SETD2: variants seen among roughly 807,000 people sequenced by gnomAD.
SETD2 encodes histone-lysine N-methyltransferase SETD2.
Under a neutral mutation model 242.1 loss-of-function variants are expected in SETD2, and 31 were observed. That is an observed-to-expected ratio of 0.13 (90% CI 0.10 to 0.17). The LOEUF is 0.17. Among genes scored for constraint, SETD2 ranks in the 10% least tolerant of loss-of-function variants. The probability of loss-of-function intolerance (pLI) is 1.00; values close to 1 mark genes in which losing one functional copy is unlikely to be tolerated. For synonymous variants in SETD2, 1,006 were observed against 1,066.5 expected (o/e 0.94, Z 1.11); for missense variants, 2,481 against 3,046.3 (o/e 0.81, Z 4.37).
At chr3:47,141,672 TA>T (rs1428162620) in intron 1 of SETD2, among the ~76,000 whole-genome samples, 2 of 152,052 alleles carry the variant, frequency 1.3e-5, no homozygotes, top group Non-Finnish European at 2.9e-5. Context: ...AAAGAAAAAA[TA>T]AAAAAATGTG....
intron 1 of SETD2, among the ~76,000 whole-genome samples, chr3:47,139,323 C>T (rs763216225): frequency 6.6e-6 from 1 of 152,100 alleles, no homozygotes. Context: ...ACTATTATGC[C>T]TTTTCCTATC....
intron 15 of SETD2, among the ~76,000 whole-genome samples, chr3:47,047,178 T>A (rs62246402): frequency 0.19 from 29,293 of 152,148 alleles, 2,918 homozygotes; most frequent in Middle Eastern, 0.24. Flanking sequence ...GAAAGCAGAA[T>A]CAATGCATCT....
intron 18 of SETD2, among the ~76,000 whole-genome samples, chr3:47,027,402 G>A (rs1303256913): frequency 6.7e-6 from 1 of 150,334 alleles, no homozygotes; most frequent in African/African-American, 2.4e-5. Flanking sequence ...CACACACCAG[G>A]GACTGTTGTG....
chr3:47,161,330 GA>G (rs1263579047), intron 1 of SETD2, among the ~76,000 whole-genome samples: 2 of 152,028 alleles, frequency 1.3e-5, no homozygotes, highest in Non-Finnish European at 2.9e-5. Flanking sequence ...CAAGTTCAGA[GA>G]GATGAAGTCA....
chr3:47,147,469 T>C (rs2043884068), intron 1 of SETD2, among the ~76,000 whole-genome samples: 1 of 151,176 alleles, frequency 6.6e-6, no homozygotes, highest in Non-Finnish European at 1.5e-5. Flanking sequence ...ACTACAGGCA[T>C]GCACCACCAC....
chr3:47,049,546 G>C (rs1157885619), intron 15 of SETD2, among the ~76,000 whole-genome samples: 1 of 146,334 alleles, frequency 6.8e-6, no homozygotes. Context: ...CTAATTTTTT[G>C]TATTTTTAGT....
chr3:47,107,590 C>A (rs2107701765), intron 5 of SETD2, among the ~76,000 whole-genome samples: 1 of 152,178 alleles, frequency 6.6e-6, no homozygotes, highest in East Asian at 1.9e-4. Context: ...AATGTCCTTT[C>A]TAACCCCAGA....
intron 6 of SETD2, among the ~76,000 whole-genome samples, 157 bp from the exon 7 acceptor site, chr3:47,103,580 C>A (rs1198204046): frequency 6.6e-6 from 1 of 152,148 alleles, no homozygotes; most frequent in East Asian, 1.9e-4. Flanking sequence ...CTCCTGACTA[C>A]CAGCTTCAAA....
chr3:47,056,805 T>A lies in SETD2; in HGVS notation c.6963+16A>T, dbSNP rs1034041250. On this transcript the variant is annotated intron_variant, in intron 15 of 20. Transcript: ENST00000409792. The stretch of plus-strand genomic sequence containing the variant: ...CAGACCATAAAGCAGAAAAGAAAAG[T>A]TTCAGAATTAGTTACCTGTACAATT... 4.4e-6 allele frequency: 7 copies of A among 1,604,214 alleles called. No individual in the cohort carries two copies. The highest frequency in any genetic ancestry group is 6.0e-6 in the Non-Finnish European group (7 of 1,172,456).
intron 18 of SETD2, among the ~76,000 whole-genome samples, chr3:47,034,134 C>T (rs546516165): frequency 9.7e-4 from 148 of 152,310 alleles, no homozygotes; most frequent in Non-Finnish European, 1.9e-3. Flanking sequence ...TTAATTCTTT[C>T]TGCACTCTCA....
At chr3:47,101,364 CTTT>C in intron 8 of SETD2, 91 bp downstream of exon 8, 1 of 709,158 alleles carries the variant, frequency 1.4e-6, no homozygotes, top group Middle Eastern at 4.0e-4. Flanking sequence ...GTAAATATAA[CTTT>C]TAAGTAATTT....
rs540074569 is a variant in SETD2 at position 47,140,495 on chromosome 3, A to C, written c.72-13832T>G. 1.9e-4 allele frequency among the ~76,000 whole-genome samples: 29 copies of C among 152,360 alleles called. No homozygotes were observed. The South Asian group carries it at 6.0e-3, about 32-fold the overall frequency. On this transcript the variant is annotated intron_variant, in intron 1 of 20. Coordinates refer to ENST00000409792, the MANE Select transcript of SETD2 (RefSeq NM_014159.7). ...GTGAGAGAGGAAAACCTCCAATACCAAATAAGCCTCAAAAGATAAATATGC... is the reference window on the plus strand; with the variant it reads ...GTGAGAGAGGAAAACCTCCAATACCCAATAAGCCTCAAAAGATAAATATGC...
At chr3:47,134,652 C>T (rs148533451) in intron 1 of SETD2, among the ~76,000 whole-genome samples, 217 of 151,118 alleles carry the variant, frequency 1.4e-3, no homozygotes, top group African/African-American at 5.2e-3. Context: ...TTTTTTGAGA[C>T]AGAGTCTCAC....
intron 6 of SETD2, chr3:47,105,531 A>C (rs942559575): frequency 8.7e-6 from 2 of 229,452 alleles, no homozygotes; most frequent in South Asian, 4.2e-5. Flanking sequence ...CCATGTTTTT[A>C]TTTTCTACCT....
chr3:47,088,941 A>G (rs997384429), intron 9 of SETD2, among the ~76,000 whole-genome samples: 1 of 152,202 alleles, frequency 6.6e-6, no homozygotes, highest in Non-Finnish European at 1.5e-5. Context: ...AAATATCTGT[A>G]CAAGTTGGAT....
At chr3:47,161,688 C>T (rs1457812915) in intron 1 of SETD2, among the ~76,000 whole-genome samples, 1 of 152,200 alleles carries the variant, frequency 6.6e-6, no homozygotes, top group Non-Finnish European at 1.5e-5. Flanking sequence ...GCAATCCCAG[C>T]ACTTTGGGAG....
chr3:47,055,271 A>T (rs1218363735), intron 15 of SETD2, among the ~76,000 whole-genome samples: 2 of 152,254 alleles, frequency 1.3e-5, no homozygotes, highest in Non-Finnish European at 2.9e-5. Flanking sequence ...ACTGTTTAAT[A>T]CTAAGTATTA....
chr3:47,098,424 T>C (rs1255296360), intron 8 of SETD2: 1 of 176,556 alleles, frequency 5.7e-6, no homozygotes, highest in East Asian at 1.5e-4. Context: ...GAACTATTAC[T>C]TATATGTAAA....
chr3:47,074,860 G>A (rs1252298511), intron 12 of SETD2, among the ~76,000 whole-genome samples: 1 of 152,234 alleles, frequency 6.6e-6, no homozygotes, highest in Non-Finnish European at 1.5e-5. Flanking sequence ...AGTAGGCCGG[G>A]AACGGTGGCT....
Sources: gnomAD v4.1 joint callset for allele counts (sites outside exome capture counted in the v4.1 genomes callset) on GRCh38, gnomAD v4.1.1 for gene constraint, MANE v1.5 for transcripts, NCBI Gene and HGNC (gene_info 2026-07-23, HGNC 2026-07-21) for gene names.